EPM2A: variants seen among roughly 807,000 people sequenced by gnomAD.
The protein encoded by EPM2A is EPM2A glucan phosphatase, laforin, also known as laforin.
EPM2A carries 21 observed loss-of-function variants against 26.5 expected under a neutral mutation model. The observed-to-expected ratio is 0.79, with a 90% CI of 0.56 to 1.14. EPM2A has a LOEUF of 1.14. EPM2A is among the 50% of genes most tolerant of loss of function. EPM2A has a pLI of 0.00. For missense variants in EPM2A, 458 were observed against 440.8 expected, an observed-to-expected ratio of 1.04 and a Z score of -0.35; for synonymous variants, 217 against 177.6, an observed-to-expected ratio of 1.22 and a Z score of -1.76.
intron 2 of EPM2A, among the ~76,000 whole-genome samples, chr6:145,594,348 T>C (rs929788384): frequency 1.3e-5 from 2 of 151,920 alleles, no homozygotes; most frequent in African/African-American, 4.8e-5. Context: ...AATTTAAACT[T>C]GTTCATTGGT....
chr6:145,630,010 G>A (rs755283798), intron 3 of EPM2A: 2 of 152,188 alleles, frequency 1.3e-5, no homozygotes, highest in Non-Finnish European at 2.9e-5. Context: ...CCCTAGGATG[G>A]GTCTGCACCA....
chr6:145,648,935 A>T (rs1384414847), intron 2 of EPM2A, among the ~76,000 whole-genome samples: 2 of 152,214 alleles, frequency 1.3e-5, no homozygotes, highest in Admixed American at 1.3e-4. Context: ...GGGAAGTTAG[A>T]GGTGATTATT....
intron 4 of EPM2A, among the ~76,000 whole-genome samples, chr6:145,395,113 AT>A (rs56007684): frequency 0.87 from 132,741 of 151,948 alleles, 58,167 homozygotes; most frequent in East Asian, 1. Context: ...CCTTTAAGGC[AT>A]TTTTTCCTCC....
chr6:145,727,962 A>G (rs182604242), intron 1 of EPM2A, among the ~76,000 whole-genome samples: 40 of 152,236 alleles, frequency 2.6e-4, no homozygotes, highest in African/African-American at 8.2e-4. Context: ...TGTTCTTGTG[A>G]AAGTGCATTC....
At chr6:145,697,256 G>A (rs1259994302) in intron 1 of EPM2A, among the ~76,000 whole-genome samples, 1 of 152,164 alleles carries the variant, frequency 6.6e-6, no homozygotes, top group Non-Finnish European at 1.5e-5. Flanking sequence ...CCCCGGAGCC[G>A]TAAAACCAGC....
chr6:145,679,888 C>A (rs6918350), intron 2 of EPM2A, among the ~76,000 whole-genome samples: 1 of 151,758 alleles, frequency 6.6e-6, no homozygotes, highest in Non-Finnish European at 1.5e-5. Context: ...CATAGGCATA[C>A]GAATATACAC....
intron 2 of EPM2A, among the ~76,000 whole-genome samples, chr6:145,540,518 G>A (rs900242973): frequency 6.6e-6 from 1 of 152,058 alleles, no homozygotes; most frequent in African/African-American, 2.4e-5. Context: ...CATGACACCA[G>A]GGATTCTCAT....
At chr6:145,638,331 C>T (rs1776847807) in intron 2 of EPM2A, 1 of 152,132 alleles carries the variant, frequency 6.6e-6, no homozygotes, top group Non-Finnish European at 1.5e-5. Context: ...AAATCAGAGT[C>T]AGCATATCCC....
intron 2 of EPM2A, among the ~76,000 whole-genome samples, chr6:145,503,648 C>T (rs1779927391): frequency 1.0e-5 from 1 of 98,470 alleles, no homozygotes; most frequent in African/African-American, 4.3e-5. Flanking sequence ...GAATCAATAT[C>T]GTGAAAATGG....
intron 1 of EPM2A, among the ~76,000 whole-genome samples, chr6:145,716,851 T>C (rs1380839954): frequency 6.6e-6 from 1 of 152,220 alleles, no homozygotes. Flanking sequence ...CCATTTCTTC[T>C]TGGATTCAGA....
chr6:145,600,890 G>A (rs1224900185), intron 2 of EPM2A, among the ~76,000 whole-genome samples: 2 of 152,198 alleles, frequency 1.3e-5, no homozygotes, highest in Non-Finnish European at 2.9e-5. Flanking sequence ...GTCCCTCAGA[G>A]GGCACAGAGT....
intron 2 of EPM2A, chr6:145,640,763 T>G (rs1384630674): frequency 6.6e-6 from 1 of 152,174 alleles, no homozygotes; most frequent in Non-Finnish European, 1.5e-5. Context: ...AACATTAAAA[T>G]CAACCTCTAG....
intron 2 of EPM2A, among the ~76,000 whole-genome samples, chr6:145,589,277 G>A (rs1781238453): frequency 6.6e-6 from 1 of 152,088 alleles, no homozygotes; most frequent in Admixed American, 6.6e-5. Flanking sequence ...CATTAGGAAA[G>A]TATGGCCTGG....
chr6:145,654,494 T>C (rs1273820368), intron 2 of EPM2A, among the ~76,000 whole-genome samples: 1 of 152,208 alleles, frequency 6.6e-6, no homozygotes, highest in African/African-American at 2.4e-5. Flanking sequence ...TTCTGTGTTA[T>C]GGAAAATTTT....
intron 1 of EPM2A, among the ~76,000 whole-genome samples, chr6:145,711,561 G>C (rs1201288257): frequency 6.6e-6 from 1 of 152,140 alleles, no homozygotes. Flanking sequence ...CCTAGGATTA[G>C]ATAAGGTCCT....
At chr6:145,545,022 C>A (rs1780565874) in intron 2 of EPM2A, among the ~76,000 whole-genome samples, 1 of 152,142 alleles carries the variant, frequency 6.6e-6, no homozygotes, top group African/African-American at 2.4e-5. Flanking sequence ...TTTTCCCTTA[C>A]CTCCACATTC....
chr6:145,515,051 A>G (rs1056212053), intron 2 of EPM2A, among the ~76,000 whole-genome samples: 1 of 152,208 alleles, frequency 6.6e-6, no homozygotes, highest in East Asian at 1.9e-4. Context: ...AAAAACTTCC[A>G]CTGAAATGAA....
chr6:145,548,942 C>T (rs1780618657), intron 2 of EPM2A, among the ~76,000 whole-genome samples: 1 of 152,078 alleles, frequency 6.6e-6, no homozygotes, highest in South Asian at 2.1e-4. Context: ...TACTACTTCC[C>T]TGATACTTCA....
At chr6:145,690,942 T>A (rs1781241239) in intron 1 of EPM2A, among the ~76,000 whole-genome samples, 2 of 147,494 alleles carry the variant, frequency 1.4e-5, no homozygotes, top group Non-Finnish European at 1.5e-5. Context: ...AATTACCCAA[T>A]CTAAACAGCA....
Sources: allele counts gnomAD v4.1 joint callset (sites outside exome capture counted in the v4.1 genomes callset), GRCh38; gene constraint gnomAD v4.1.1; transcripts MANE v1.5; gene names NCBI Gene and HGNC (gene_info 2026-07-23, HGNC 2026-07-21).